Variants in UTRN observed in about 807,000 individuals in gnomAD.
UTRN encodes dystrophin-related protein 1.
In UTRN, 283 loss-of-function variants were observed where a neutral mutation model predicts 463.9. The ratio of observed to expected loss-of-function variants is 0.61; its 90% CI spans 0.55 to 0.67. UTRN has a LOEUF of 0.67. Among genes scored for constraint, UTRN ranks in the 30% least tolerant of loss-of-function variants. The pLI is 0.00. For missense variants in UTRN, 3,922 were observed against 4,084.3 expected (o/e 0.96, Z 1.08); for synonymous variants, 1,442 against 1,431.5 (o/e 1.01, Z -0.17).
chr6:144,306,168 TC>T (rs1249371082), intron 2 of UTRN, among the ~76,000 whole-genome samples: 2 of 152,180 alleles, frequency 1.3e-5, no homozygotes, highest in East Asian at 3.8e-4. Flanking sequence ...TGGCCTCCTC[TC>T]TCTCACTCCT....
Position 144,827,394 on chromosome 6 carries a change from T to A in UTRN, c.9533+8T>A. The A allele has an allele frequency of 6.2e-7, 1 of 1,613,464 alleles. No homozygotes were observed. The highest frequency in any genetic ancestry group is 1.3e-5 in the African/African-American group (1 of 75,008). On this transcript the variant is annotated splice_region_variant and intron_variant, in intron 67 of 74. Coordinates refer to ENST00000367545, the MANE Select transcript of UTRN (RefSeq NM_007124.3). The stretch of plus-strand genomic sequence containing the variant: ...GTGGCCAGAGCACTATGAGTGAGTA[T>A]TCATAGCCCACGTGCAGGAGAGGTG...
At chr6:144,316,930 C>T (rs533024507) in intron 2 of UTRN, among the ~76,000 whole-genome samples, 1 of 152,296 alleles carries the variant, frequency 6.6e-6, no homozygotes, top group African/African-American at 2.4e-5. Flanking sequence ...AAATCAACAA[C>T]AATGCAGAGA....
chr6:144,831,111 TA>T (rs1482638745), intron 69 of UTRN, among the ~76,000 whole-genome samples: 3 of 152,178 alleles, frequency 2.0e-5, no homozygotes, highest in African/African-American at 7.2e-5. Context: ...AGGAAATAGA[TA>T]AGTAGTCCTA....
At chr6:144,311,198 G>A (rs964582059) in intron 2 of UTRN, among the ~76,000 whole-genome samples, 2 of 152,202 alleles carry the variant, frequency 1.3e-5, no homozygotes, top group Admixed American at 6.5e-5. Context: ...GTAACGATGC[G>A]AATACTTCAC....
At chr6:144,364,593 G>A (rs1779354816) in intron 2 of UTRN, among the ~76,000 whole-genome samples, 1 of 152,198 alleles carries the variant, frequency 6.6e-6, no homozygotes, top group Non-Finnish European at 1.5e-5. Context: ...AAGCGTTGCA[G>A]ATGAGTCCGT....
At chr6:144,577,920 A>C (rs1430242038) in intron 51 of UTRN, among the ~76,000 whole-genome samples, 2 of 152,180 alleles carry the variant, frequency 1.3e-5, no homozygotes, top group African/African-American at 4.8e-5. Context: ...AATCTGATTC[A>C]TGCGGAGTGT....
At chr6:144,611,237 T>C (rs1585556629) in intron 51 of UTRN, among the ~76,000 whole-genome samples, 1 of 152,332 alleles carries the variant, frequency 6.6e-6, no homozygotes, top group East Asian at 1.9e-4. Context: ...AAAGGATGTA[T>C]AGACAAACAT....
Position 144,448,660 on chromosome 6 carries a change from A to C in UTRN, c.1963A>C (p.Thr655Pro), listed in dbSNP as rs966697035. The C allele has an allele frequency of 1.9e-6, 3 of 1,613,994 alleles. No homozygotes were observed. Among genetic ancestry groups the C allele is most frequent in the Non-Finnish European group, 2.5e-6 (3 of 1,179,940 alleles). Residue 655 changes from threonine to proline, a missense_variant, in exon 17 of 75, where the codon ACT (threonine) becomes CCT (proline). Physicochemically the swap from Thr to Pro is conservative, Grantham distance 38. Coordinates refer to ENST00000367545, the MANE Select transcript of UTRN (RefSeq NM_007124.3). ...SQIPQKDLLE[T>P]VRVREQAITK... The stretch of plus-strand genomic sequence containing the variant: ...GATTCCTCAGAAGGACCTTTTGGAG[A>C]CTGTTCGTGTAAGAGAACAAGCAAT...
At chr6:144,815,216 C>T (rs1778972423) in intron 65 of UTRN, among the ~76,000 whole-genome samples, 1 of 152,182 alleles carries the variant, frequency 6.6e-6, no homozygotes, top group South Asian at 2.1e-4. Flanking sequence ...GAAACCATTT[C>T]ATGATACTGA....
intron 68 of UTRN, among the ~76,000 whole-genome samples, chr6:144,828,574 A>ACATGGCG (rs1780392679): frequency 1.3e-5 from 2 of 152,168 alleles, no homozygotes; most frequent in African/African-American, 4.8e-5. Context: ...GAGACTTTAC[A>ACATGGCG]ACATGGCGTA....
chr6:144,366,500 AT>A (rs901935002), intron 2 of UTRN, among the ~76,000 whole-genome samples: 1 of 152,086 alleles, frequency 6.6e-6, no homozygotes, highest in African/African-American at 2.4e-5. Context: ...AACATGCGGT[AT>A]TTGATTTTTC....
At chr6:144,382,254 C>G (rs1289032576) in intron 2 of UTRN, among the ~76,000 whole-genome samples, 2 of 152,188 alleles carry the variant, frequency 1.3e-5, no homozygotes, top group Admixed American at 1.3e-4. Context: ...GTTGTGCAGG[C>G]ACAGGGTAGA....
At position 144,516,936 on chromosome 6, in the gene UTRN, C is replaced by T; in HGVS notation, c.5529C>T (p.Tyr1843=). The T allele has an allele frequency of 6.8e-7, 1 of 1,476,714 alleles. No individual in the cohort carries two copies. The allele number at this position is 1,476,714 out of a possible 1,614,324, so 91.5% of individuals were successfully genotyped here. ...RLQLLLLHTR[Y]NKIKAIPIQQ... is the part of the protein sequence containing the mutation. Reference sequence around the variant, plus strand: ...AATTATTACTTTTGCATACTAGATACAACAAAATTAAGGTATTATGATTGG... The same window carrying T: ...AATTATTACTTTTGCATACTAGATATAACAAAATTAAGGTATTATGATTGG... The change falls in exon 39 of 75, where the codon TAC becomes TAT. Residue 1843 remains tyrosine (Y), a synonymous_variant. Coordinates refer to ENST00000367545, the MANE Select transcript of UTRN (RefSeq NM_007124.3).
At chr6:144,802,368 A>G (rs560070820) in intron 64 of UTRN, among the ~76,000 whole-genome samples, 26 of 152,260 alleles carry the variant, frequency 1.7e-4, no homozygotes, top group Admixed American at 1.6e-3. Flanking sequence ...TTCCATTTTC[A>G]TTCTGTTGGT....
intron 2 of UTRN, among the ~76,000 whole-genome samples, chr6:144,341,264 A>T (rs562990815): frequency 3.3e-4 from 51 of 152,372 alleles, no homozygotes; most frequent in African/African-American, 1.1e-3. Flanking sequence ...ACATCAAAAA[A>T]TAAGGAAAAA....
chr6:144,826,083 C>A (rs1286208151), intron 66 of UTRN, among the ~76,000 whole-genome samples: 1 of 150,806 alleles, frequency 6.6e-6, no homozygotes, highest in Non-Finnish European at 1.5e-5. Flanking sequence ...ACCAACATGG[C>A]ACATGTATAC....
chr6:144,473,003 G>A (rs1211083259), intron 23 of UTRN, among the ~76,000 whole-genome samples: 2 of 151,958 alleles, frequency 1.3e-5, no homozygotes, highest in Non-Finnish European at 2.9e-5. Context: ...TCTTGACCTC[G>A]TGATCCGTAG....
At chr6:144,743,100 G>T (rs372299827) in intron 54 of UTRN, among the ~76,000 whole-genome samples, 104 of 152,252 alleles carry the variant, frequency 6.8e-4, no homozygotes, top group Middle Eastern at 6.8e-3. Flanking sequence ...TCAATAAAGA[G>T]GAGCACTAAA....
chr6:144,522,160 G>C lies in UTRN; in HGVS notation c.5722G>C (p.Asp1908His), dbSNP rs201830320. 15 of 1,540,256 alleles carry C rather than the reference G, an allele frequency of 9.7e-6. No individual in the cohort carries two copies. In the Middle Eastern group the frequency reaches 5.1e-4, roughly 52 times the overall value. ...TTACGAAGACTTCTCTTTTCAGGAA[G>C]ACTCTCTGAAGGTAGACCTCTGGGC... ...AIYEDFSFQEDSLKNIKDQLD... is the reference protein window; with the variant it reads ...AIYEDFSFQEHSLKNIKDQLD... Residue 1908 changes from aspartate (D) to histidine (H), a missense_variant, in exon 40 of 75, where the codon GAC (aspartate) becomes CAC (histidine). Asp to His is a moderately conservative substitution (Grantham distance 81). This residue lies in a region of UTRN where 2,349 missense variants were observed against 2,303.8 expected (regional missense o/e 1.02). Transcript: ENST00000367545.
Sources: allele counts gnomAD v4.1 joint callset (sites outside exome capture counted in the v4.1 genomes callset), GRCh38; gene constraint gnomAD v4.1.1; regional missense constraint gnomAD v4.1.1; transcripts MANE v1.5; gene names NCBI Gene and HGNC (gene_info 2026-07-23, HGNC 2026-07-21).